Variants in CDC42BPB observed in about 807,000 individuals in gnomAD.
CDC42BPB encodes the protein CDC42 binding protein kinase beta.
CDC42BPB carries 37 observed loss-of-function variants against 214.9 expected under a neutral mutation model. The ratio of observed to expected loss-of-function variants is 0.17; its 90% CI spans 0.13 to 0.23. The LOEUF is 0.23. Among genes scored for constraint, CDC42BPB ranks in the 10% least tolerant of loss-of-function variants. The pLI, the probability that CDC42BPB is intolerant of heterozygous loss-of-function variation, is 1.00. For synonymous variants in CDC42BPB, 931 were observed against 884.0 expected (o/e 1.05, Z -0.94); for missense variants, 1,694 against 2,227.0 (o/e 0.76, Z 4.82).
chr14:103,037,642 C>G (rs527754456), intron 1 of CDC42BPB, among the ~76,000 whole-genome samples: 6 of 152,286 alleles, frequency 3.9e-5, no homozygotes, highest in African/African-American at 1.2e-4. Context: ...CTCAGCTTAC[C>G]TACAACTGCC....
At chr14:102,950,013 T>A in intron 25 of CDC42BPB, 109 bp from the exon 26 acceptor site, 1 of 1,538,042 alleles carries the variant, frequency 6.5e-7, no homozygotes, top group East Asian at 2.3e-5. Context: ...GCGGCAGAGC[T>A]GTTTGGACAG....
intron 20 of CDC42BPB, among the ~76,000 whole-genome samples, chr14:102,961,385 A>T (rs537577395): frequency 1.3e-5 from 2 of 151,336 alleles, no homozygotes; most frequent in African/African-American, 4.9e-5. Flanking sequence ...CCCAGGCTGG[A>T]GTGCAGTGGC....
At chr14:103,054,946 C>T (rs1410697313) in intron 1 of CDC42BPB, among the ~76,000 whole-genome samples, 7 of 152,376 alleles carry the variant, frequency 4.6e-5, no homozygotes, top group Admixed American at 2.0e-4. Context: ...TGCACAATGG[C>T]CCCCAGGGCC....
intron 20 of CDC42BPB, among the ~76,000 whole-genome samples, chr14:102,960,940 C>T (rs902294716): frequency 3.3e-5 from 5 of 152,052 alleles, no homozygotes; most frequent in Non-Finnish European, 5.9e-5. Context: ...AGTCAGATTG[C>T]TTGAGTCCAG....
In CDC42BPB at chr14:102,933,826, G is replaced by A; in HGVS notation, c.5022C>T (p.Thr1674=). ...AGCTATTCGATGGAGTTGAGTGTTT[G>A]GTGGAGTCCGAATCAGGCTGTGAAC... is the stretch of plus-strand genomic sequence containing the variant. ...DFDKEPDSDS[T]KHSTPSNSSN... is the part of the protein sequence containing the mutation. The change falls in exon 37 of 37, where the codon ACC becomes ACT. Residue 1674 remains threonine, a synonymous_variant. Coordinates refer to ENST00000361246, the MANE Select transcript of CDC42BPB (RefSeq NM_006035.4). 1.3e-6 allele frequency: 2 copies of A among 1,521,484 alleles called. No individual in the cohort carries two copies. Among genetic ancestry groups the A allele is most frequent in the Admixed American group, 2.4e-5 (1 of 41,426 alleles). 94.2% of individuals were successfully genotyped at this position (1,521,484 alleles called of 1,614,324 possible).
chr14:102,965,036 C>G (rs1212531608), intron 18 of CDC42BPB, among the ~76,000 whole-genome samples: 1 of 152,088 alleles, frequency 6.6e-6, no homozygotes, highest in Non-Finnish European at 1.5e-5. Flanking sequence ...AGCGATTTTC[C>G]TGTCTCAGCC....
At chr14:102,965,429 A>G (rs1893156749) in intron 18 of CDC42BPB, among the ~76,000 whole-genome samples, 1 of 151,946 alleles carries the variant, frequency 6.6e-6, no homozygotes, top group African/African-American at 2.4e-5. Flanking sequence ...TAATAAGGGA[A>G]GAATGACAGA....
At chr14:102,978,326 T>C in intron 8 of CDC42BPB, 121 bp from the exon 9 acceptor site, 2 of 1,516,636 alleles carry the variant, frequency 1.3e-6, no homozygotes, top group Non-Finnish European at 1.8e-6. Flanking sequence ...CCTTGGAGAA[T>C]GCGGATTCCA....
At position 102,941,436 on chromosome 14, in the gene CDC42BPB, A is replaced by G. The variant is rs530313594; in HGVS notation, c.4409-1112T>C. 16 of 985,484 alleles carry G rather than the reference A, an allele frequency of 1.6e-5. No individual in the cohort carries two copies. The East Asian group carries it at 4.5e-4, about 28-fold the overall frequency. The allele number at this position is 985,484 out of a possible 1,614,324, so 61.0% of individuals were successfully genotyped here. On this transcript the variant is annotated intron_variant, in intron 30 of 36. Coordinates refer to ENST00000361246, the MANE Select transcript of CDC42BPB (RefSeq NM_006035.4). ...AGGGAAATCAAACAGGGTTTGCAAG[A>G]AAGACAAAAGATACTGGCCTGGTCA...
chr14:102,949,352 C>T (rs1892372394), intron 26 of CDC42BPB, among the ~76,000 whole-genome samples: 1 of 152,126 alleles, frequency 6.6e-6, no homozygotes, highest in African/African-American at 2.4e-5. Context: ...CCCACATGGC[C>T]CACGGCTCCA....
chr14:102,934,863 A>C (rs1485897346), intron 36 of CDC42BPB, among the ~76,000 whole-genome samples: 5 of 151,782 alleles, frequency 3.3e-5, no homozygotes, highest in African/African-American at 1.2e-4. Context: ...AAAAAAAATT[A>C]GCCTGGCATG....
chr14:103,036,687 G>A (rs1342829643), intron 1 of CDC42BPB, among the ~76,000 whole-genome samples: 1 of 152,106 alleles, frequency 6.6e-6, no homozygotes, highest in Non-Finnish European at 1.5e-5. Flanking sequence ...TTTTATTCTG[G>A]GAATGCACAT....
intron 21 of CDC42BPB, among the ~76,000 whole-genome samples, chr14:102,955,202 C>A (rs902157542): frequency 6.6e-6 from 1 of 152,176 alleles, no homozygotes; most frequent in Non-Finnish European, 1.5e-5. Flanking sequence ...GGGGGCAGAC[C>A]ACCTGAAGTC....
chr14:103,048,816 G>C lies in CDC42BPB; in HGVS notation c.175+8183C>G, dbSNP rs541983959. 1.4e-4 allele frequency among the ~76,000 whole-genome samples: 22 copies of C among 151,928 alleles called. No individual in the cohort carries two copies. The South Asian group carries it at 4.4e-3, about 30-fold the overall frequency. The stretch of plus-strand genomic sequence containing the variant: ...TTGAACCCGGGAGGCGGAGGCTGCA[G>C]TGAGCCAAGATCATGCCACTGCACT... On this transcript the variant is annotated intron_variant, in intron 1 of 36. Transcript: ENST00000361246.
chr14:103,020,368 C>A (rs115448635), intron 1 of CDC42BPB, among the ~76,000 whole-genome samples: 1 of 152,196 alleles, frequency 6.6e-6, no homozygotes, highest in Non-Finnish European at 1.5e-5. Flanking sequence ...TCCTTGTAAC[C>A]GCCAGCTACC....
At chr14:103,048,707 C>CA (rs576300614) in intron 1 of CDC42BPB, among the ~76,000 whole-genome samples, 1,427 of 103,432 alleles carry the variant, frequency 0.014, 11 homozygotes, top group African/African-American at 0.019. Context: ...GACTCCGTCT[C>CA]AAAAAAAAAA....
intron 1 of CDC42BPB, among the ~76,000 whole-genome samples, chr14:103,014,509 G>A (rs1886346935): frequency 6.6e-6 from 1 of 152,154 alleles, no homozygotes; most frequent in Non-Finnish European, 1.5e-5. Flanking sequence ...TCTTACCACT[G>A]CAGGAGTGGC....
chr14:102,997,810 C>A (rs1464682791), intron 5 of CDC42BPB, among the ~76,000 whole-genome samples: 3 of 152,238 alleles, frequency 2.0e-5, no homozygotes, highest in African/African-American at 7.2e-5. Flanking sequence ...CAAATGCTGA[C>A]TGAACCATAG....
At chr14:102,941,514 C>T (rs1891887408) in intron 30 of CDC42BPB, 1 of 985,332 alleles carries the variant, frequency 1.0e-6, no homozygotes, top group Non-Finnish European at 1.2e-6. Flanking sequence ...CCTCTGAGAA[C>T]CAAGTCAAAA....
Sources: gnomAD v4.1 joint callset for allele counts (sites outside exome capture counted in the v4.1 genomes callset) on GRCh38, gnomAD v4.1.1 for gene constraint, MANE v1.5 for transcripts, NCBI Gene and HGNC (gene_info 2026-07-23, HGNC 2026-07-21) for gene names.